GLMN: variants seen among roughly 807,000 people sequenced by gnomAD.
GLMN encodes glomulin, FKBP associated protein, also known as glomulin.
Under a neutral mutation model 87.8 loss-of-function variants are expected in GLMN, and 75 were observed. The observed-to-expected ratio is 0.85, with a 90% CI of 0.71 to 1.04. The LOEUF (loss-of-function observed/expected upper bound fraction) is 1.04. GLMN is among the 50% of genes least tolerant of loss of function. The probability of loss-of-function intolerance (pLI) is 0.00; values close to 1 mark genes in which losing one functional copy is unlikely to be tolerated. For synonymous variants in GLMN, 206 were observed against 221.6 expected, an observed-to-expected ratio of 0.93 and a Z score of 0.63; for missense variants, 588 against 658.8, an observed-to-expected ratio of 0.89 and a Z score of 1.18.
intron 5 of GLMN, 152 bp downstream of exon 5, chr1:92,290,046 G>A (rs1310060454): frequency 1.5e-6 from 1 of 659,820 alleles, no homozygotes; most frequent in Non-Finnish European, 2.8e-6. Context: ...ATGAGCAGCA[G>A]TATTCACATT....
chr1:92,366,225 C>T, the GLMN span, among the ~76,000 whole-genome samples: 7 of 152,234 alleles, frequency 4.6e-5, no homozygotes, highest in East Asian at 1.4e-3. Flanking sequence ...ATTGCTTGAG[C>T]CCAGGAGTTT....
At chr1:92,262,815 TA>T (rs1162636864) in intron 16 of GLMN, 47 bp downstream of exon 16, 2 of 800,112 alleles carry the variant, frequency 2.5e-6, no homozygotes, top group Non-Finnish European at 4.5e-6. Flanking sequence ...AAACATTCCT[TA>T]TGCCTTTTGA....
At chr1:92,336,336 T>A in the GLMN span, 12 of 1,592,808 alleles carry the variant, frequency 7.5e-6, 1 homozygote, top group South Asian at 1.0e-4. Context: ...ATGTAATTTT[T>A]AAATTTTCAG....
At chr1:92,292,545 G>A (rs968170006) in intron 3 of GLMN, among the ~76,000 whole-genome samples, 6 of 150,868 alleles carry the variant, frequency 4.0e-5, no homozygotes, top group African/African-American at 1.5e-4. Flanking sequence ...CAAGTAGCTG[G>A]GGCTACAGGC....
the GLMN span, among the ~76,000 whole-genome samples, chr1:92,354,890 A>ATT: frequency 2.7e-3 from 396 of 147,682 alleles, 3 homozygotes; most frequent in African/African-American, 8.8e-3. Flanking sequence ...AATTTATGTA[A>ATT]ATTATTATTA....
At chr1:92,367,236 A>G in the GLMN span, among the ~76,000 whole-genome samples, 18 of 152,192 alleles carry the variant, frequency 1.2e-4, no homozygotes, top group African/African-American at 3.9e-4. Flanking sequence ...GATTTCCTCA[A>G]ATATAACCGT....
the GLMN span, among the ~76,000 whole-genome samples, chr1:92,316,181 C>G: frequency 6.6e-6 from 1 of 152,242 alleles, no homozygotes; most frequent in African/African-American, 2.4e-5. Context: ...TTAATGCTGA[C>G]AGAGCTAAAA....
chr1:92,251,558 T>A (rs374883212), intron 16 of GLMN, among the ~76,000 whole-genome samples: 1 of 152,026 alleles, frequency 6.6e-6, no homozygotes, highest in Non-Finnish European at 1.5e-5. Context: ...CCATAAATAA[T>A]GAATCATAAA....
chr1:92,252,669 A>T (rs1653676197), intron 16 of GLMN, among the ~76,000 whole-genome samples: 1 of 152,210 alleles, frequency 6.6e-6, no homozygotes, highest in Non-Finnish European at 1.5e-5. Flanking sequence ...TGTGAGAATA[A>T]GAATATTTTT....
Position 92,246,475 on chromosome 1 carries a change from G to T in GLMN, c.*55C>A. The T allele has an allele frequency of 3.7e-6, 3 of 802,866 alleles. No homozygotes were observed. The highest frequency in any genetic ancestry group is 1.5e-5 in the South Asian group (1 of 67,114). The allele number at this position is 802,866 out of a possible 1,614,324, so 49.7% of individuals were successfully genotyped here. Reference sequence around the variant, plus strand: ...AAAATTTTTTATAAAGGTATTAAATGAATCATAATGGAAAGTACTATATTT... The same window carrying T: ...AAAATTTTTTATAAAGGTATTAAATTAATCATAATGGAAAGTACTATATTT... On this transcript the variant is annotated 3_prime_UTR_variant, in exon 19 of 19. Coordinates refer to ENST00000370360, the MANE Select transcript of GLMN (RefSeq NM_053274.3).
the GLMN span, chr1:92,307,296 A>T: frequency 6.7e-7 from 1 of 1,493,718 alleles, no homozygotes; most frequent in African/African-American, 1.4e-5. Flanking sequence ...GTCATTGTGT[A>T]TATACATTTG....
At chr1:92,320,094 C>G in the GLMN span, among the ~76,000 whole-genome samples, 1 of 151,560 alleles carries the variant, frequency 6.6e-6, no homozygotes, top group African/African-American at 2.4e-5. Context: ...GTTAATTGTA[C>G]AGACAATGAT....
At chr1:92,270,187 G>C (rs1318280222) in intron 8 of GLMN, among the ~76,000 whole-genome samples, 2 of 152,210 alleles carry the variant, frequency 1.3e-5, no homozygotes, top group African/African-American at 4.8e-5. Context: ...GGAGCATCCA[G>C]AACTATGAGA....
intron 16 of GLMN, among the ~76,000 whole-genome samples, chr1:92,261,763 T>A (rs1435401661): frequency 1.3e-5 from 2 of 151,812 alleles, no homozygotes; most frequent in African/African-American, 4.8e-5. Flanking sequence ...CTGAAATATT[T>A]CGGAGAAAGT....
upstream of GLMN, among the ~76,000 whole-genome samples, chr1:92,299,487 G>A (rs929993725): frequency 1.3e-5 from 2 of 152,126 alleles, no homozygotes; most frequent in African/African-American, 4.8e-5. Flanking sequence ...CTTGAACCTA[G>A]GACCGGTCCT....
the GLMN span, among the ~76,000 whole-genome samples, chr1:92,353,801 C>T: frequency 1.5e-4 from 23 of 152,078 alleles, no homozygotes; most frequent in African/African-American, 5.3e-4. Flanking sequence ...AAAAACATAT[C>T]TTTAAATTGA....
the GLMN span, among the ~76,000 whole-genome samples, chr1:92,308,829 G>A: frequency 0.048 from 7,358 of 151,914 alleles, 609 homozygotes; most frequent in African/African-American, 0.17. Flanking sequence ...GTATGGTGGC[G>A]GGCACCTGTA....
At chr1:92,345,780 T>C in the GLMN span, 14 of 992,774 alleles carry the variant, frequency 1.4e-5, no homozygotes, top group Non-Finnish European at 2.0e-5. Flanking sequence ...TCTGATGTTA[T>C]CTAGAAAGAA....
chr1:92,328,166 T>G, the GLMN span, among the ~76,000 whole-genome samples: 2 of 152,210 alleles, frequency 1.3e-5, no homozygotes, highest in Non-Finnish European at 2.9e-5. Context: ...GTTTCCCAGG[T>G]GTTCTTTGAG....
Sources: gnomAD v4.1 joint callset for allele counts (sites outside exome capture counted in the v4.1 genomes callset) on GRCh38, gnomAD v4.1.1 for gene constraint, MANE v1.5 for transcripts, NCBI Gene and HGNC (gene_info 2026-07-23, HGNC 2026-07-21) for gene names.